Variants in HAUS4 observed in about 807,000 individuals in gnomAD.
The protein encoded by HAUS4 is HAUS augmin like complex subunit 4, also known as HAUS augmin-like complex subunit 4.
Under a neutral mutation model 50.6 loss-of-function variants are expected in HAUS4, and 34 were observed. That is an observed-to-expected ratio of 0.67 (90% confidence interval 0.51 to 0.90). The LOEUF (loss-of-function observed/expected upper bound fraction) is 0.90, where lower values mean the gene tolerates loss of function less well. Ranked by LOEUF, HAUS4 falls within the 40% of genes least tolerant of loss-of-function variation. The pLI is 0.00. For synonymous variants in HAUS4, 149 were observed against 161.4 expected (o/e 0.92, Z 0.58); for missense variants, 370 against 428.7 (o/e 0.86, Z 1.21).
rs752987572 is a variant in HAUS4 at position 22,951,539 on chromosome 14, A to G, written c.465+16T>C. On this transcript the variant is annotated intron_variant, in intron 5 of 9. Coordinates refer to ENST00000541587, the MANE Select transcript of HAUS4 (RefSeq NM_001166269.2). ...AAACCATTTCATTTATTTGGTTCCA[A>G]TATCTCCCCGCCAACCTCTGAGAGT... is the stretch of plus-strand genomic sequence containing the variant. 18 of 1,613,564 alleles carry G rather than the reference A, an allele frequency of 1.1e-5. No homozygotes were observed. In the South Asian group the frequency reaches 1.6e-4, roughly 15 times the overall value.
chr14:22,956,302 T>C (rs189732489), intron 1 of HAUS4, among the ~76,000 whole-genome samples: 8 of 152,328 alleles, frequency 5.3e-5, no homozygotes, highest in Middle Eastern at 6.8e-3. Flanking sequence ...TAACGATTCC[T>C]GCCTTGGATG....
At chr14:22,952,902 G>A (rs918873200) in intron 2 of HAUS4, among the ~76,000 whole-genome samples, 11 of 152,084 alleles carry the variant, frequency 7.2e-5, no homozygotes, top group African/African-American at 2.4e-4. Context: ...GGGGGAATAA[G>A]TAATAAACTA....
chr14:22,951,668 G>A lies in HAUS4; in HGVS notation c.352C>T (p.Arg118Trp), dbSNP rs1273192518. The change falls in exon 5 of 10, where the codon CGG becomes TGG. Residue 118 changes from arginine (R) to tryptophan (W), a missense_variant. Coordinates refer to ENST00000541587, the MANE Select transcript of HAUS4 (RefSeq NM_001166269.2). The stretch of plus-strand genomic sequence containing the variant: ...CGCATCAGTTCAGTTACAAGCAGCC[G>A]CTGTTCAAGGGTCTCATGAAACTGA... ...DKKFHETLEQ[R>W]LLVTELMRLL... 32 of 1,612,784 alleles carry A rather than the reference G, an allele frequency of 2.0e-5. No homozygotes were observed. Among genetic ancestry groups the A allele is most frequent in the South Asian group, 3.3e-5 (3 of 90,750 alleles).
chr14:22,955,243 C>T, intron 1 of HAUS4, 67 bp from the exon 2 acceptor site: 3 of 956,748 alleles, frequency 3.1e-6, no homozygotes, highest in South Asian at 1.3e-5. Context: ...AAGGACACTA[C>T]CTTATGTTCA....
At chr14:22,946,774 T>C (rs1269882717) in intron 9 of HAUS4, 66 bp from the exon 10 acceptor site, 2 of 1,038,648 alleles carry the variant, frequency 1.9e-6, no homozygotes, top group Non-Finnish European at 2.7e-6. Flanking sequence ...TGGACAAAAA[T>C]GAAAAACTTT....
Position 22,951,691 on chromosome 14 carries a change from TGA to T in HAUS4, c.331-4_331-3del, listed in dbSNP as rs769618593. 3.7e-5 allele frequency: 58 copies of T among 1,587,004 alleles called. No individual in the cohort carries two copies. In the Middle Eastern group the frequency reaches 5.0e-4, roughly 14 times the overall value. On this transcript the variant is annotated splice_polypyrimidine_tract_variant and splice_region_variant and intron_variant, in intron 4 of 9. Coordinates refer to ENST00000541587, the MANE Select transcript of HAUS4 (RefSeq NM_001166269.2). ...CCGCTGTTCAAGGGTCTCATGAAAC[TGA>T]GAGAGAGAGAATAAAAAACAAAAAG...
chr14:22,951,562 A>C lies in HAUS4; in HGVS notation c.458T>G (p.Leu153Arg). 1 of 1,613,960 alleles carries C rather than the reference A, an allele frequency of 6.2e-7. No homozygotes were observed. The highest frequency in any genetic ancestry group is 8.5e-7 in the Non-Finnish European group (1 of 1,179,890). Residue 153 changes from leucine (L) to arginine (R), a missense_variant, in exon 5 of 10, where the codon CTC (leucine) becomes CGC (arginine). Physicochemically the swap from Leu to Arg is moderately radical, Grantham distance 102. Coordinates refer to ENST00000541587, the MANE Select transcript of HAUS4 (RefSeq NM_001166269.2). ...EKADLLELMPLSEDFVWMRAR... is the reference protein window; with the variant it reads ...EKADLLELMPRSEDFVWMRAR... ...CAATATCTCCCCGCCAACCTCTGAG[A>C]GTGGCATGAGTTCCAGAAGGTCCGC...
At position 22,947,698 on chromosome 14, in the gene HAUS4, G is replaced by A; in HGVS notation, c.742C>T (p.Leu248Phe). The stretch of plus-strand genomic sequence containing the variant: ...GTCTTCAGCCGGTGTTCTTGAAGAA[G>A]CCTCTGCAGCAAAGTGAGGCAGCGG... The part of the protein sequence containing the change: ...LLRCLTLLQR[L>F]LQEHRLKTQS... The change falls in exon 8 of 10, where the codon CTT (leucine) becomes TTT (phenylalanine). Residue 248 changes from leucine (L) to phenylalanine (F), a missense_variant. Coordinates refer to ENST00000541587, the MANE Select transcript of HAUS4 (RefSeq NM_001166269.2). 6.2e-7 allele frequency: 1 copy of A among 1,614,116 alleles called. No homozygotes were observed. Among genetic ancestry groups the A allele is most frequent in the Non-Finnish European group, 8.5e-7 (1 of 1,179,982 alleles).
At chr14:22,951,731 A>C (rs1320345343) in intron 4 of HAUS4, 42 bp from the exon 5 acceptor site, 3 of 1,560,764 alleles carry the variant, frequency 1.9e-6, no homozygotes, top group Non-Finnish European at 2.6e-6. Context: ...GCAACTATAA[A>C]ACTTCTCCCA....
chr14:22,947,089 T>C, intron 9 of HAUS4, 82 bp downstream of exon 9: 3 of 970,556 alleles, frequency 3.1e-6, no homozygotes, highest in Non-Finnish European at 5.0e-6. Context: ...CAGCCAAAAA[T>C]GGCAACATCT....
Position 22,950,220 on chromosome 14 carries a change from G to T in HAUS4, c.562+94C>A, listed in dbSNP as rs1197535282. On this transcript the variant is annotated intron_variant, in intron 6 of 9. Coordinates refer to ENST00000541587, the MANE Select transcript of HAUS4 (RefSeq NM_001166269.2). ...GCATCTCTGATGGTTCTAAACCTCT[G>T]TCCCAAATCTAAAATCAAAATATAT... 1.3e-5 allele frequency: 8 copies of T among 619,176 alleles called. No individual in the cohort carries two copies. In the Admixed American group the frequency reaches 2.1e-4, roughly 16 times the overall value. The allele number at this position is 619,176 out of a possible 1,614,324, so 38.4% of individuals were successfully genotyped here.
intron 9 of HAUS4, 126 bp from the exon 10 acceptor site, chr14:22,946,834 AG>A (rs1234702609): frequency 3.1e-6 from 2 of 636,084 alleles, no homozygotes; most frequent in Admixed American, 6.4e-5. Context: ...CCTAGGCTGG[AG>A]TGCAGTGGTA....
At chr14:22,951,223 T>C (rs1294343940) in intron 5 of HAUS4, among the ~76,000 whole-genome samples, 1 of 151,816 alleles carries the variant, frequency 6.6e-6, no homozygotes, top group Non-Finnish European at 1.5e-5. Context: ...CAGGCTGGTC[T>C]TGAACTCCTG....
At chr14:22,946,781 CTT>C (rs11414358) in intron 9 of HAUS4, 73 bp from the exon 10 acceptor site, 15,711 of 583,686 alleles carry the variant, frequency 0.027, no homozygotes, top group East Asian at 0.038. Context: ...AAATGAAAAA[CTT>C]TTTTTTTTTT....
chr14:22,950,604 T>C (rs887054595), intron 5 of HAUS4, among the ~76,000 whole-genome samples, 194 bp from the exon 6 acceptor site: 4 of 152,160 alleles, frequency 2.6e-5, no homozygotes, highest in Non-Finnish European at 5.9e-5. Flanking sequence ...GGTGAGAACA[T>C]GGGGGATCCA....
At chr14:22,956,084 A>G (rs1217943270) in intron 1 of HAUS4, among the ~76,000 whole-genome samples, 2 of 152,206 alleles carry the variant, frequency 1.3e-5, no homozygotes, top group Non-Finnish European at 2.9e-5. Context: ...TTAACGCTTC[A>G]TGTTTATAGA....
chr14:22,951,686 G>T lies in HAUS4; in HGVS notation c.334C>A (p.His112Asn), dbSNP rs2044755420. The change falls in exon 5 of 10, where the codon CAT becomes AAT. Residue 112 changes from histidine to asparagine, a missense_variant. Physicochemically the swap from His to Asn is moderately conservative, Grantham distance 68 (BLOSUM62 1). Transcript: ENST00000541587. ...AGCAGCCGCTGTTCAAGGGTCTCAT[G>T]AAACTGAGAGAGAGAGAATAAAAAA... Reference protein sequence around the residue: ...TNVTSEDKKFHETLEQRLLVT... With the variant: ...TNVTSEDKKFNETLEQRLLVT... 6.3e-7 allele frequency: 1 copy of T among 1,599,734 alleles called. No homozygotes were observed.
chr14:22,954,969 C>T (rs1326548569), intron 2 of HAUS4, 131 bp downstream of exon 2: 4 of 728,228 alleles, frequency 5.5e-6, no homozygotes, highest in African/African-American at 5.3e-5. Flanking sequence ...TCGTGATCCA[C>T]CCACCTCAGC....
chr14:22,954,861 G>A (rs2044829286), intron 2 of HAUS4, among the ~76,000 whole-genome samples: 1 of 151,840 alleles, frequency 6.6e-6, no homozygotes, highest in Non-Finnish European at 1.5e-5. Context: ...GAGTAGCTGG[G>A]ACTACAGGTA....
Sources: allele counts gnomAD v4.1 joint callset (sites outside exome capture counted in the v4.1 genomes callset), GRCh38; gene constraint gnomAD v4.1.1; transcripts MANE v1.5; gene names NCBI Gene and HGNC (gene_info 2026-07-23, HGNC 2026-07-21).